The following SLC26A7 variants were observed in gnomAD, a reference collection of about 807,000 sequenced individuals.
The protein encoded by SLC26A7 is solute carrier family 26 member 7.
Under a neutral mutation model 82.5 loss-of-function variants are expected in SLC26A7, and 59 were observed. The observed-to-expected ratio is 0.72, with a 90% CI of 0.58 to 0.89. The LOEUF (loss-of-function observed/expected upper bound fraction) is 0.89. Ranked by LOEUF, SLC26A7 falls within the 40% of genes least tolerant of loss-of-function variation. The pLI, the probability that SLC26A7 is intolerant of heterozygous loss-of-function variation, is 0.00. For synonymous variants in SLC26A7, 271 were observed against 274.3 expected, an observed-to-expected ratio of 0.99 and a Z score of 0.12; for missense variants, 820 against 793.0, an observed-to-expected ratio of 1.03 and a Z score of -0.41.
At position 91,353,268 on chromosome 8, in the gene SLC26A7, C is replaced by T. The variant is rs536155103; in HGVS notation, c.1314+272C>T. Among the ~76,000 whole-genome samples, 15 of 152,090 alleles carry T rather than the reference C, an allele frequency of 9.9e-5. No homozygotes were observed. The East Asian group carries it at 2.7e-3, about 27-fold the overall frequency. ...TAATAATTTCAGTGGATTTGGGATG[C>T]CCAATTTACAATATGAATTAATTTT... On this transcript the variant is annotated intron_variant, in intron 11 of 18. Coordinates refer to ENST00000276609, the MANE Select transcript of SLC26A7 (RefSeq NM_052832.4).
rs924764396 is a variant in SLC26A7 at position 91,296,616 on chromosome 8, A to C, written c.477+913A>C. Among the ~76,000 whole-genome samples, 3 of 152,336 alleles carry C rather than the reference A, an allele frequency of 2.0e-5. No homozygotes were observed. In the East Asian group the frequency reaches 5.8e-4, roughly 29 times the overall value. ...CTTAGAGTTACATTGCCTTCTAGCT[A>C]GGTGAAACGGCCGAAAGAATTAAGG... On this transcript the variant is annotated intron_variant, in intron 4 of 18. Transcript: ENST00000276609.
intron 1 of SLC26A7, among the ~76,000 whole-genome samples, chr8:91,218,538 G>T (rs1271531653): frequency 6.6e-6 from 1 of 152,116 alleles, no homozygotes; most frequent in Admixed American, 6.6e-5. Flanking sequence ...GTACGTATTT[G>T]CTGATTGATC....
chr8:91,389,914 G>A (rs1042754084), intron 16 of SLC26A7, among the ~76,000 whole-genome samples: 7 of 152,112 alleles, frequency 4.6e-5, no homozygotes, highest in Non-Finnish European at 1.0e-4. Context: ...GTTCTCTCAG[G>A]CAATGGTGCT....
At chr8:91,379,242 T>C (rs1276822997) in intron 15 of SLC26A7, among the ~76,000 whole-genome samples, 1 of 152,104 alleles carries the variant, frequency 6.6e-6, no homozygotes, top group Non-Finnish European at 1.5e-5. Context: ...GCATAATTTC[T>C]AAAACTGATT....
At chr8:91,344,009 A>AGAT (rs200168503) in intron 9 of SLC26A7, 4 of 963,828 alleles carry the variant, frequency 4.2e-6, no homozygotes, top group Non-Finnish European at 4.9e-6. Context: ...GGTACTGGTA[A>AGAT]GATGATGATG....
At chr8:91,225,426 C>A (rs1810219984) in intron 2 of SLC26A7, among the ~76,000 whole-genome samples, 1 of 152,022 alleles carries the variant, frequency 6.6e-6, no homozygotes, top group African/African-American at 2.4e-5. Context: ...TTGCCCTTCC[C>A]TGTGTGGCTA....
In SLC26A7 at chr8:91,312,379, A is replaced by T. The variant is rs111382818; in HGVS notation, c.478-5837A>T. ...ACTGATGGACACTTGGTTATCCATT[A>T]TAGTTACTCTGAATAATGCTGCTAT... is the stretch of plus-strand genomic sequence containing the variant. On this transcript the variant is annotated intron_variant, in intron 4 of 18. Coordinates refer to ENST00000276609, the MANE Select transcript of SLC26A7 (RefSeq NM_052832.4). 5.3e-4 allele frequency among the ~76,000 whole-genome samples: 80 copies of T among 152,278 alleles called. No individual in the cohort carries two copies. The East Asian group carries it at 0.014, about 27-fold the overall frequency.
chr8:91,308,570 T>A (rs1205609102), intron 4 of SLC26A7, among the ~76,000 whole-genome samples: 1 of 152,144 alleles, frequency 6.6e-6, no homozygotes, highest in African/African-American at 2.4e-5. Context: ...CCATACTGTA[T>A]TCTGTGGAAA....
chr8:91,306,588 A>G (rs901714856), intron 4 of SLC26A7, among the ~76,000 whole-genome samples: 7 of 152,180 alleles, frequency 4.6e-5, no homozygotes, highest in African/African-American at 1.7e-4. Context: ...CAGAGTTGAC[A>G]TATAACCCAC....
chr8:91,395,092 G>A lies in SLC26A7; in HGVS notation c.1966G>A (p.Val656Ile), dbSNP rs773402742. 3 of 1,613,426 alleles carry A rather than the reference G, an allele frequency of 1.9e-6. No homozygotes were observed. Among genetic ancestry groups the A allele is most frequent in the Admixed American group, 1.7e-5 (1 of 60,010 alleles). Reference protein sequence around the residue: ...NLSKLSDHSEV With the variant: ...NLSKLSDHSEI ...GAGCAAACTCAGTGACCACAGTGAA[G>A]TCTGAGACCCTTTTGTCACAGTACA... is the stretch of plus-strand genomic sequence containing the variant. The change falls in exon 19 of 19, where the codon GTC becomes ATC. Residue 656 changes from valine (V) to isoleucine (I), a missense_variant. Transcript: ENST00000276609.
At chr8:91,392,844 A>G (rs897579640) in intron 16 of SLC26A7, among the ~76,000 whole-genome samples, 2 of 152,132 alleles carry the variant, frequency 1.3e-5, no homozygotes, top group African/African-American at 4.8e-5. Flanking sequence ...AGAAAGAGTG[A>G]AACACTGGGA....
intron 2 of SLC26A7, among the ~76,000 whole-genome samples, chr8:91,236,693 A>AGTG (rs1810397772): frequency 6.6e-6 from 1 of 152,172 alleles, no homozygotes; most frequent in Admixed American, 6.5e-5. Context: ...TTAAAGTTAT[A>AGTG]CAGGAAGCAC....
At chr8:91,310,744 C>A (rs1310983271) in intron 4 of SLC26A7, among the ~76,000 whole-genome samples, 1 of 151,994 alleles carries the variant, frequency 6.6e-6, no homozygotes, top group African/African-American at 2.4e-5. Context: ...TGCTCCCCTC[C>A]CAAGTGCTAG....
intron 18 of SLC26A7, chr8:91,394,489 G>A: frequency 7.5e-7 from 1 of 1,332,520 alleles, no homozygotes; most frequent in South Asian, 2.1e-5. Context: ...CACATGATCT[G>A]AAGTGTCAAA....
intron 12 of SLC26A7, among the ~76,000 whole-genome samples, chr8:91,362,760 TTTAAA>T (rs1357517900): frequency 2.0e-5 from 3 of 152,110 alleles, no homozygotes; most frequent in Admixed American, 6.5e-5. Context: ...GAGAGATTTC[TTTAAA>T]TTAAGTGAAA....
At chr8:91,260,295 A>T (rs1287037152) in intron 2 of SLC26A7, among the ~76,000 whole-genome samples, 5 of 152,138 alleles carry the variant, frequency 3.3e-5, no homozygotes, top group Non-Finnish European at 7.4e-5. Context: ...ATCTTGTGAG[A>T]ACTCACTCAC....
intron 5 of SLC26A7, among the ~76,000 whole-genome samples, chr8:91,331,587 A>G (rs997411797): frequency 2.0e-5 from 3 of 152,174 alleles, no homozygotes; most frequent in Non-Finnish European, 4.4e-5. Flanking sequence ...TTTCAGCTTT[A>G]TTGAGATATA....
chr8:91,361,199 A>G (rs1168185726), intron 11 of SLC26A7, among the ~76,000 whole-genome samples: 1 of 152,170 alleles, frequency 6.6e-6, no homozygotes, highest in Non-Finnish European at 1.5e-5. Context: ...TCTGTTAAGA[A>G]TCACTCAAAC....
chr8:91,387,871 G>C (rs1814841052), intron 15 of SLC26A7, among the ~76,000 whole-genome samples: 1 of 152,098 alleles, frequency 6.6e-6, no homozygotes, highest in Non-Finnish European at 1.5e-5. Context: ...AAAAGTTACT[G>C]ATTATTTAGT....
Sources: gnomAD v4.1 joint callset for allele counts (sites outside exome capture counted in the v4.1 genomes callset) on GRCh38, gnomAD v4.1.1 for gene constraint, MANE v1.5 for transcripts, NCBI Gene and HGNC (gene_info 2026-07-23, HGNC 2026-07-21) for gene names.